Variants in ABCC12 observed in about 807,000 individuals in gnomAD.
ABCC12 encodes the protein ATP binding cassette subfamily C member 12.
Under a neutral mutation model 151.1 loss-of-function variants are expected in ABCC12, and 142 were observed. That is an observed-to-expected ratio of 0.94 (90% CI 0.82 to 1.08). ABCC12 has a LOEUF of 1.08. Among genes scored for constraint, ABCC12 ranks in the 50% least tolerant of loss-of-function variants. The probability of loss-of-function intolerance (pLI) is 0.00; values close to 1 mark genes in which losing one functional copy is unlikely to be tolerated. For missense variants in ABCC12, 1,638 were observed against 1,691.1 expected (o/e 0.97, Z 0.55); for synonymous variants, 645 against 646.4 (o/e 1.00, Z 0.03).
At chr16:48,129,345 A>G (rs1964345692) in intron 10 of ABCC12, among the ~76,000 whole-genome samples, 1 of 152,230 alleles carries the variant, frequency 6.6e-6, no homozygotes, top group Non-Finnish European at 1.5e-5. Context: ...CTCGAGGTCC[A>G]TGCACTTGGT....
intron 13 of ABCC12, among the ~76,000 whole-genome samples, chr16:48,118,224 G>C (rs1328412113): frequency 6.6e-6 from 1 of 152,188 alleles, no homozygotes; most frequent in Non-Finnish European, 1.5e-5. Flanking sequence ...AGGAACCTAG[G>C]AACGTCCGTG....
intron 2 of ABCC12, among the ~76,000 whole-genome samples, chr16:48,150,528 T>C (rs1223007426): frequency 2.0e-5 from 3 of 152,094 alleles, no homozygotes; most frequent in East Asian, 1.9e-4. Flanking sequence ...TTATATAAAG[T>C]TTGCAAACTT....
chr16:48,115,116 C>A (rs2150624193), intron 15 of ABCC12, among the ~76,000 whole-genome samples: 1 of 152,228 alleles, frequency 6.6e-6, no homozygotes, highest in East Asian at 1.9e-4. Context: ...ACCAGGCGCC[C>A]AGAACTTGGG....
intron 21 of ABCC12, among the ~76,000 whole-genome samples, chr16:48,104,877 G>A (rs995103699): frequency 1.3e-5 from 2 of 152,206 alleles, no homozygotes; most frequent in African/African-American, 4.8e-5. Flanking sequence ...TGCTTGCTTG[G>A]CCTGCGCATC....
chr16:48,090,401 CTT>C (rs1011013161), intron 25 of ABCC12, among the ~76,000 whole-genome samples: 16 of 118,930 alleles, frequency 1.3e-4, no homozygotes, highest in African/African-American at 2.6e-4. Flanking sequence ...CAAATTTGAA[CTT>C]TTTTTTTTTT....
In ABCC12 at chr16:48,083,719, A is replaced by C. The variant is rs774820076; in HGVS notation, c.4076T>G (p.Leu1359Trp). Residue 1359 changes from leucine to tryptophan, a missense_variant, in exon 31 of 31, where the codon TTG (leucine) becomes TGG (tryptophan). By Grantham distance (61) the Leu-to-Trp change is moderately conservative (BLOSUM62 -2). Coordinates refer to ENST00000311303, the MANE Select transcript of ABCC12 (RefSeq NM_001393797.1). ...FAMLLAAEVRL is the reference protein window; with the variant it reads ...FAMLLAAEVRW ...TAGAATCAGCCGCCAGGACCTCTACAATCTGACTTCTGCTGCTAGTAACAT... is the reference window on the plus strand; with the variant it reads ...TAGAATCAGCCGCCAGGACCTCTACCATCTGACTTCTGCTGCTAGTAACAT... 5.6e-6 allele frequency: 9 copies of C among 1,614,106 alleles called. No individual in the cohort carries two copies. Among genetic ancestry groups the C allele is most frequent in the Non-Finnish European group, 6.8e-6 (8 of 1,180,002 alleles).
intron 2 of ABCC12, 55 bp downstream of exon 2, chr16:48,153,561 A>G (rs1180090242): frequency 6.6e-6 from 1 of 152,232 alleles, no homozygotes; most frequent in Non-Finnish European, 1.5e-5. Context: ...ATCCAGGCTA[A>G]TCTTTCCCAG....
chr16:48,083,282 A>C lies in ABCC12; in HGVS notation c.*433T>G, dbSNP rs1423128693. 1 of 171,136 alleles carries C rather than the reference A, an allele frequency of 5.8e-6. No homozygotes were observed. Among genetic ancestry groups the C allele is most frequent in the Non-Finnish European group, 1.2e-5 (1 of 81,968 alleles). The allele number at this position is 171,136 out of a possible 1,614,324, so 10.6% of individuals were successfully genotyped here. ...ATGGAAGTGAGTGGGGTTAAACGAG[A>C]AGAAAATTCTGCTCTTTTTCCTTCT... On this transcript the variant is annotated 3_prime_UTR_variant, in exon 31 of 31. Transcript: ENST00000311303.
At chr16:48,154,325 T>C (rs776831797) in intron 1 of ABCC12, among the ~76,000 whole-genome samples, 4 of 152,096 alleles carry the variant, frequency 2.6e-5, no homozygotes, top group Non-Finnish European at 5.9e-5. Context: ...GTTTAAACAT[T>C]TTTTTCCAAT....
intron 18 of ABCC12, 67 bp from the exon 19 acceptor site, chr16:48,108,596 G>T: frequency 7.6e-7 from 1 of 1,310,152 alleles, no homozygotes; most frequent in Non-Finnish European, 1.1e-6. Context: ...GGTAGGCACG[G>T]CCCCTCCACA....
rs988146419 is a variant in ABCC12 at position 48,141,048 on chromosome 16, T to C, written c.424-128A>G. On this transcript the variant is annotated intron_variant, in intron 5 of 30. Coordinates refer to ENST00000311303, the MANE Select transcript of ABCC12 (RefSeq NM_001393797.1). ...TTTAATTAATTTTAGTGGCTGCTGC[T>C]GTGCTTGACAAGGATTCACTTTATG... is the stretch of plus-strand genomic sequence containing the variant. 12 of 1,384,834 alleles carry C rather than the reference T, an allele frequency of 8.7e-6. No homozygotes were observed. The African/African-American group carries it at 1.2e-4, about 13-fold the overall frequency. 85.8% of individuals were successfully genotyped at this position (1,384,834 alleles called of 1,614,324 possible).
Position 48,085,710 on chromosome 16 carries a change from C to T in ABCC12, c.3715-4G>A, listed in dbSNP as rs2150578524. ...ATTTTTCTGGGAGTTTCATTATCTA[C>T]AAAACACAAAAAATGCCACATTTGT... On this transcript the variant is annotated splice_polypyrimidine_tract_variant and splice_region_variant and intron_variant, in intron 28 of 30. Coordinates refer to ENST00000311303, the MANE Select transcript of ABCC12 (RefSeq NM_001393797.1). 1 of 1,608,206 alleles carries T rather than the reference C, an allele frequency of 6.2e-7. No homozygotes were observed. Among genetic ancestry groups the T allele is most frequent in the Non-Finnish European group, 8.5e-7 (1 of 1,174,770 alleles).
In ABCC12 at chr16:48,120,951, C is replaced by A. The variant is rs114034593; in HGVS notation, c.1712+765G>T. 1.9e-3 allele frequency among the ~76,000 whole-genome samples: 283 copies of A among 152,304 alleles called. 1 individual carries two copies. The highest frequency in any genetic ancestry group is 6.4e-3 in the African/African-American group (268 of 41,566). On this transcript the variant is annotated intron_variant, in intron 13 of 30. Transcript: ENST00000311303. ...ATTACAAATACATACTCGCAATTTTCGTGTTGAAAACATTTACAATATACT... is the reference window on the plus strand; with the variant it reads ...ATTACAAATACATACTCGCAATTTTAGTGTTGAAAACATTTACAATATACT...
At chr16:48,100,740 T>A (rs1301303560) in intron 23 of ABCC12, 132 bp downstream of exon 23, 4 of 1,127,780 alleles carry the variant, frequency 3.5e-6, no homozygotes, top group Non-Finnish European at 4.8e-6. Context: ...CTTCAAGGAC[T>A]CCTCCTGATT....
intron 24 of ABCC12, among the ~76,000 whole-genome samples, chr16:48,091,665 G>C (rs1031511624): frequency 1.3e-5 from 2 of 152,176 alleles, no homozygotes; most frequent in East Asian, 1.9e-4. Flanking sequence ...CATCAAGCCT[G>C]TCTTCTTGTT....
intron 6 of ABCC12, among the ~76,000 whole-genome samples, chr16:48,140,235 A>G (rs999131479): frequency 1.4e-5 from 2 of 146,654 alleles, no homozygotes; most frequent in Admixed American, 6.6e-5. Context: ...TTTGTTTTTG[A>G]TAAGTGTTAA....
In ABCC12 at chr16:48,115,605, C is replaced by A; in HGVS notation, c.1799G>T (p.Gly600Val). 6.2e-7 allele frequency: 1 copy of A among 1,613,572 alleles called. No homozygotes were observed. Among genetic ancestry groups the A allele is most frequent in the Non-Finnish European group, 8.5e-7 (1 of 1,179,736 alleles). The change falls in exon 15 of 31, where the codon GGC becomes GTC. Residue 600 changes from glycine to valine, a missense_variant. Coordinates refer to ENST00000311303, the MANE Select transcript of ABCC12 (RefSeq NM_001393797.1). ...CCTCTGCCCCCCAGAGAGGTTGAGG[C>A]CCCGCTCCCCAATCTGTGGACAGGG... ...YGDLTEIGER[G>V]LNLSGGQRQR...
intron 3 of ABCC12, 49 bp from the exon 4 acceptor site, chr16:48,144,114 C>T (rs375811170): frequency 5.2e-5 from 81 of 1,570,384 alleles, no homozygotes; most frequent in Non-Finnish European, 6.7e-5. Flanking sequence ...GGTCATTGCC[C>T]CAACTCTCTC....
chr16:48,115,304 C>G, intron 15 of ABCC12, 111 bp downstream of exon 15: 1 of 1,284,968 alleles, frequency 7.8e-7, no homozygotes, highest in Admixed American at 2.1e-5. Context: ...GCTCCCTCCC[C>G]ACATTCCCAG....
Sources: gnomAD v4.1 joint callset for allele counts (sites outside exome capture counted in the v4.1 genomes callset) on GRCh38, gnomAD v4.1.1 for gene constraint, MANE v1.5 for transcripts, NCBI Gene and HGNC (gene_info 2026-07-23, HGNC 2026-07-21) for gene names.